UMPS: variants seen among roughly 807,000 people sequenced by gnomAD.
The protein encoded by UMPS is uridine 5'-monophosphate synthase.
Under a neutral mutation model 38.9 loss-of-function variants are expected in UMPS, and 21 were observed. That is an observed-to-expected ratio of 0.54 (90% CI 0.38 to 0.78). The LOEUF (loss-of-function observed/expected upper bound fraction) is 0.78. Ranked by LOEUF, UMPS falls within the 30% of genes least tolerant of loss-of-function variation. UMPS has a pLI of 0.00. For missense variants in UMPS, 533 were observed against 591.6 expected, an observed-to-expected ratio of 0.90 and a Z score of 1.03; for synonymous variants, 208 against 219.3, an observed-to-expected ratio of 0.95 and a Z score of 0.45.
In UMPS at chr3:124,747,092, C is replaced by A. The variant is rs1055283227; in HGVS notation, c.*3008C>A. 3 of 453,602 alleles carry A rather than the reference C, an allele frequency of 6.6e-6. No individual in the cohort carries two copies. Among genetic ancestry groups the A allele is most frequent in the African/African-American group, 6.0e-5 (3 of 49,990 alleles). The allele number at this position is 453,602 out of a possible 1,614,324, so 28.1% of individuals were successfully genotyped here. On this transcript the variant is annotated 3_prime_UTR_variant, in exon 6 of 6. Coordinates refer to ENST00000232607, the MANE Select transcript of UMPS (RefSeq NM_000373.4). ...TGGCTCACTGCAACCTTGACTTGGG[C>A]TCAAGCGATCCGCTCAAGTAGCTGG...
chr3:124,737,335 T>G (rs2063524638), intron 2 of UMPS: 1 of 504,778 alleles, frequency 2.0e-6, no homozygotes, highest in Admixed American at 3.6e-5. Context: ...GTGAAATAAT[T>G]TACTTGATTT....
chr3:124,743,165 C>T (rs2063568415), intron 5 of UMPS, among the ~76,000 whole-genome samples: 1 of 152,078 alleles, frequency 6.6e-6, no homozygotes, highest in Non-Finnish European at 1.5e-5. Flanking sequence ...GAAACCCTGT[C>T]TCTACTCAAA....
In UMPS at chr3:124,737,549, A is replaced by C; in HGVS notation, c.311-19A>C. 1 of 1,613,892 alleles carries C rather than the reference A, an allele frequency of 6.2e-7. No homozygotes were observed. The highest frequency in any genetic ancestry group is 1.1e-5 in the South Asian group (1 of 90,972). On this transcript the variant is annotated intron_variant, in intron 2 of 5. Transcript: ENST00000232607. ...ATACATATTTAAATTTGGAATCAGCAAAATTTTTTCTTTTCTAGGAACTAA... is the reference window on the plus strand; with the variant it reads ...ATACATATTTAAATTTGGAATCAGCCAAATTTTTTCTTTTCTAGGAACTAA...
At chr3:124,738,446 A>G in intron 3 of UMPS, 1 of 581,312 alleles carries the variant, frequency 1.7e-6, no homozygotes, top group Non-Finnish European at 3.0e-6. Context: ...TTTCTCAGGT[A>G]GGCATACTCT....
In UMPS at chr3:124,737,929, A is replaced by G. The variant is rs2150896838; in HGVS notation, c.672A>G (p.Glu224=). 1 of 1,614,176 alleles carries G rather than the reference A, an allele frequency of 6.2e-7. No homozygotes were observed. The highest frequency in any genetic ancestry group is 1.1e-5 in the South Asian group (1 of 91,080). Residue 224 remains glutamate, a synonymous_variant, in exon 3 of 6, where the codon GAA becomes GAG. Transcript: ENST00000232607. ...SPLSIKEAPK[E]LSFGARAELP... ...TTTCTATAAAGGAAGCACCCAAAGA[A>G]CTCAGCTTCGGTGCACGTGCAGAGC...
Position 124,742,223 on chromosome 3 carries a change from AG to A in UMPS, c.1231del (p.Glu411AsnfsTer5). The A allele has an allele frequency of 1.2e-6, 2 of 1,614,192 alleles. No individual in the cohort carries two copies. On this transcript the variant is annotated frameshift_variant, in exon 5 of 6. Coordinates refer to ENST00000232607, the MANE Select transcript of UMPS (RefSeq NM_000373.4). LOFTEE classifies it high-confidence loss of function. ...CTGGCTCCCGAGTAAGCATGAAACC[AG>A]AATTTCTTCACTTGACTCCAGGAGT... ...ISGSRVSMKPEFLHLTPGVQL... is the reference protein window; with the variant it reads ...ISGSRVSMKPXFLHLTPGVQL...
chr3:124,742,703 G>A (rs375931496), intron 5 of UMPS: 17 of 169,720 alleles, frequency 1.0e-4, no homozygotes, highest in East Asian at 6.4e-4. Context: ...CTGAAACAGC[G>A]GAATTTAATA....
intron 3 of UMPS, among the ~76,000 whole-genome samples, chr3:124,739,562 A>G (rs1268019298): frequency 1.3e-5 from 2 of 151,996 alleles, no homozygotes; most frequent in Non-Finnish European, 2.9e-5. Flanking sequence ...TCGAACTCCT[A>G]AACTCAAGCA....
intron 4 of UMPS, among the ~76,000 whole-genome samples, chr3:124,741,593 TAGTC>T (rs975597566): frequency 7.2e-5 from 11 of 152,330 alleles, no homozygotes; most frequent in South Asian, 4.1e-4. Flanking sequence ...CGTCTGTAGA[TAGTC>T]AGTAAGCCTT....
In UMPS at chr3:124,748,852, G is replaced by GT; in HGVS notation, c.*4773dup. ...CATTATAGAGAAGCTGAATTCTCCT[G>GT]TTTTTCTGAAAAGGGCATGGGAGTT... On this transcript the variant is annotated 3_prime_UTR_variant, in exon 6 of 6. Coordinates refer to ENST00000232607, the MANE Select transcript of UMPS (RefSeq NM_000373.4). 2 of 416,138 alleles carry GT rather than the reference G, an allele frequency of 4.8e-6. No individual in the cohort carries two copies. The highest frequency in any genetic ancestry group is 9.6e-6 in the Non-Finnish European group (2 of 209,204). 25.8% of individuals were successfully genotyped at this position (416,138 alleles called of 1,614,324 possible).
rs2063528641 is a variant in UMPS, at chr3:124,737,889, A to G, written c.632A>G (p.His211Arg). ...IQENVFVAAN[H>R]NGSPLSIKEA... is the part of the protein sequence containing the mutation. Reference sequence around the variant, plus strand: ...GAGAATGTCTTTGTGGCAGCGAATCATAATGGTTCTCCCCTTTCTATAAAG... The same window carrying G: ...GAGAATGTCTTTGTGGCAGCGAATCGTAATGGTTCTCCCCTTTCTATAAAG... The change falls in exon 3 of 6, where the codon CAT becomes CGT. Residue 211 changes from histidine (H) to arginine (R), a missense_variant. By Grantham distance (29) the His-to-Arg change is conservative. Transcript: ENST00000232607. 6.2e-7 allele frequency: 1 copy of G among 1,614,130 alleles called. No individual in the cohort carries two copies. The highest frequency in any genetic ancestry group is 1.7e-5 in the Admixed American group (1 of 60,014).
At chr3:124,733,623 C>T (rs889888560) in intron 1 of UMPS, 1 of 184,076 alleles carries the variant, frequency 5.4e-6, no homozygotes, top group Non-Finnish European at 1.2e-5. Flanking sequence ...CTGACTGCTG[C>T]GGCCTCTACT....
At chr3:124,743,659 T>G (rs888755797) in intron 5 of UMPS, among the ~76,000 whole-genome samples, 1 of 123,516 alleles carries the variant, frequency 8.1e-6, no homozygotes, top group Non-Finnish European at 1.8e-5. Flanking sequence ...TAAATAAAAA[T>G]AAATAAATAA....
chr3:124,731,081 G>A (rs891776030), intron 1 of UMPS, among the ~76,000 whole-genome samples: 1 of 152,006 alleles, frequency 6.6e-6, no homozygotes, highest in Non-Finnish European at 1.5e-5. Context: ...AATTAGCTGG[G>A]TGTGGTGGCG....
intron 1 of UMPS, among the ~76,000 whole-genome samples, chr3:124,732,265 G>A (rs1170481185): frequency 6.6e-6 from 1 of 152,168 alleles, no homozygotes; most frequent in African/African-American, 2.4e-5. Context: ...CACTTGGAAG[G>A]GCTGTTTGGA....
rs1288877752 is a variant in UMPS at position 124,746,292 on chromosome 3, C to T, written c.*2208C>T. The T allele has an allele frequency of 2.2e-6, 1 of 454,040 alleles. No individual in the cohort carries two copies. Among genetic ancestry groups the T allele is most frequent in the Non-Finnish European group, 4.4e-6 (1 of 226,772 alleles). The allele number at this position is 454,040 out of a possible 1,614,324, so 28.1% of individuals were successfully genotyped here. A position where few individuals can be genotyped will look rare whatever the true frequency, so the allele number is the denominator to read the frequency against. ...CTTACTGAAAGTGTAGGTCCTTGTG[C>T]CCCACACCATCAGAGTTTCTGCGTT... On this transcript the variant is annotated 3_prime_UTR_variant, in exon 6 of 6. Coordinates refer to ENST00000232607, the MANE Select transcript of UMPS (RefSeq NM_000373.4).
rs1249828225 is a variant in UMPS at position 124,746,396 on chromosome 3, A to G, written c.*2312A>G. 6.6e-6 allele frequency: 3 copies of G among 453,940 alleles called. No individual in the cohort carries two copies. Among genetic ancestry groups the G allele is most frequent in the Admixed American group, 2.4e-5 (1 of 42,552 alleles). The allele number at this position is 453,940 out of a possible 1,614,324, so 28.1% of individuals were successfully genotyped here. On this transcript the variant is annotated 3_prime_UTR_variant, in exon 6 of 6. Transcript: ENST00000232607. ...CTCAAGTGATCTGTTTCTGATTTGTATTTCTATTGTGAAGAGTCAGCCCAG... is the reference window on the plus strand; with the variant it reads ...CTCAAGTGATCTGTTTCTGATTTGTGTTTCTATTGTGAAGAGTCAGCCCAG...
chr3:124,743,445 G>C (rs1051099515), intron 5 of UMPS, among the ~76,000 whole-genome samples: 1 of 151,510 alleles, frequency 6.6e-6, no homozygotes, highest in South Asian at 2.1e-4. Context: ...AGACCATCCT[G>C]GCTAACACGG....
At position 124,747,162 on chromosome 3, in the gene UMPS, C is replaced by T; in HGVS notation, c.*3078C>T. On this transcript the variant is annotated 3_prime_UTR_variant, in exon 6 of 6. Coordinates refer to ENST00000232607, the MANE Select transcript of UMPS (RefSeq NM_000373.4). ...TCAAGAGCCTCTCGAGTGGCTGGAA[C>T]TACAGGCGTGCACCACCACAGCTGG... 2.2e-6 allele frequency: 1 copy of T among 454,032 alleles called. No individual in the cohort carries two copies. The highest frequency in any genetic ancestry group is 4.4e-6 in the Non-Finnish European group (1 of 226,738). The allele number at this position is 454,032 out of a possible 1,614,324, so 28.1% of individuals were successfully genotyped here.
Sources: allele counts gnomAD v4.1 joint callset (sites outside exome capture counted in the v4.1 genomes callset), GRCh38; gene constraint gnomAD v4.1.1; transcripts MANE v1.5; gene names NCBI Gene and HGNC (gene_info 2026-07-23, HGNC 2026-07-21).